KCNT2: variants seen among roughly 807,000 people sequenced by gnomAD.
The protein encoded by KCNT2 is potassium sodium-activated channel subfamily T member 2.
A neutral mutation model predicts 153.8 loss-of-function variants in KCNT2; 67 were observed. The ratio of observed to expected loss-of-function variants is 0.44; its 90% CI spans 0.36 to 0.53. The LOEUF is 0.53. KCNT2 is among the 20% of genes least tolerant of loss of function. The probability of loss-of-function intolerance (pLI) is 0.00; values close to 1 mark genes in which losing one functional copy is unlikely to be tolerated. For synonymous variants in KCNT2, 500 were observed against 458.8 expected, an observed-to-expected ratio of 1.09 and a Z score of -1.15; for missense variants, 975 against 1,354.8, an observed-to-expected ratio of 0.72 and a Z score of 4.40.
Position 196,385,401 on chromosome 1 carries a change from T to C in KCNT2, c.1295-12153A>G, listed in dbSNP as rs913783855. ...CATAGAAAAAGGTACAGTGAAAAGA[T>C]GGTATTACACTCTACGGAACCACCA... On this transcript the variant is annotated intron_variant, in intron 13 of 27. Transcript: ENST00000294725. Among the ~76,000 whole-genome samples, 9 of 152,240 alleles carry C rather than the reference T, an allele frequency of 5.9e-5. No individual in the cohort carries two copies. In the East Asian group the frequency reaches 1.7e-3, roughly 29 times the overall value.
chr1:196,428,046 C>T, intron 10 of KCNT2, 59 bp downstream of exon 10: 1 of 1,348,510 alleles, frequency 7.4e-7, no homozygotes, highest in Non-Finnish European at 1.0e-6. Flanking sequence ...AGTTAATTGA[C>T]TTTGACAATA....
chr1:196,550,404 T>A (rs1657738762), intron 1 of KCNT2, among the ~76,000 whole-genome samples: 1 of 151,914 alleles, frequency 6.6e-6, no homozygotes, highest in Non-Finnish European at 1.5e-5. Context: ...ATTTCTTATT[T>A]TAACCAAGGC....
At chr1:196,369,065 T>C (rs1270057022) in intron 14 of KCNT2, among the ~76,000 whole-genome samples, 1 of 152,190 alleles carries the variant, frequency 6.6e-6, no homozygotes, top group African/African-American at 2.4e-5. Context: ...ATTCTCTCTT[T>C]TTCTTACCCC....
At chr1:196,562,790 T>C (rs993816694) in intron 1 of KCNT2, among the ~76,000 whole-genome samples, 1 of 151,866 alleles carries the variant, frequency 6.6e-6, no homozygotes, top group South Asian at 2.1e-4. Flanking sequence ...ATGTCCGCTA[T>C]TGACAAAAGT....
Position 196,342,478 on chromosome 1 carries a change from A to C in KCNT2, c.1404-250T>G, listed in dbSNP as rs1211711409. Among the ~76,000 whole-genome samples the C allele has an allele frequency of 4.8e-5, 7 of 147,184 alleles. No homozygotes were observed. The Admixed American group carries it at 4.8e-4, about 10-fold the overall frequency. On this transcript the variant is annotated intron_variant, in intron 14 of 27. Transcript: ENST00000294725. ...TATATATATATGCTTGAGAAATGAC[A>C]GTTTTGTAGAAAGTGGGAGTTTTCC... is the stretch of plus-strand genomic sequence containing the variant.
Position 196,228,138 on chromosome 1 carries a change from T to G in KCNT2, c.*86A>C. The G allele has an allele frequency of 1.4e-6, 1 of 698,610 alleles. No homozygotes were observed. The highest frequency in any genetic ancestry group is 2.5e-6 in the Non-Finnish European group (1 of 392,794). 43.3% of individuals were successfully genotyped at this position (698,610 alleles called of 1,614,324 possible). A position where few individuals can be genotyped will look rare whatever the true frequency, so the allele number is the denominator to read the frequency against. Reference sequence around the variant, plus strand: ...TTAAATATGAGAGAATTACATATATTTCCATCTAGTTTCTTTCGTGCCAGC... The same window carrying G: ...TTAAATATGAGAGAATTACATATATGTCCATCTAGTTTCTTTCGTGCCAGC... On this transcript the variant is annotated 3_prime_UTR_variant, in exon 28 of 28. Transcript: ENST00000294725.
chr1:196,249,879 A>G (rs1013986479), intron 26 of KCNT2, among the ~76,000 whole-genome samples: 5 of 152,166 alleles, frequency 3.3e-5, no homozygotes, highest in African/African-American at 9.7e-5. Flanking sequence ...TTAAATACCT[A>G]GGAACTAACT....
chr1:196,302,081 C>T (rs1382504913), intron 22 of KCNT2, among the ~76,000 whole-genome samples: 1 of 152,104 alleles, frequency 6.6e-6, no homozygotes, highest in African/African-American at 2.4e-5. Context: ...GTGAAGGTCT[C>T]ACCTGTGAAG....
intron 3 of KCNT2, among the ~76,000 whole-genome samples, chr1:196,489,063 T>C (rs1679657851): frequency 6.6e-6 from 1 of 151,744 alleles, no homozygotes; most frequent in Non-Finnish European, 1.5e-5. Context: ...AAAGTGTGGG[T>C]TGTGAGGAGC....
At chr1:196,331,315 T>C (rs1664436960) in intron 17 of KCNT2, 54 bp from the exon 18 acceptor site, 2 of 880,450 alleles carry the variant, frequency 2.3e-6, no homozygotes, top group Non-Finnish European at 3.9e-6. Flanking sequence ...ATTTGAGAAA[T>C]TAAGTTACGA....
chr1:196,228,978 T>A (rs1653717969), intron 27 of KCNT2, among the ~76,000 whole-genome samples: 1 of 152,236 alleles, frequency 6.6e-6, no homozygotes, highest in African/African-American at 2.4e-5. Context: ...TACTAAAGTA[T>A]AGAGAATAAT....
intron 12 of KCNT2, among the ~76,000 whole-genome samples, chr1:196,403,942 T>A (rs1420485641): frequency 4.6e-5 from 7 of 151,612 alleles, no homozygotes; most frequent in African/African-American, 1.7e-4. Flanking sequence ...ATCTTAACCC[T>A]TGGCAACAGT....
intron 22 of KCNT2, among the ~76,000 whole-genome samples, chr1:196,293,678 A>C (rs1165723630): frequency 6.6e-6 from 1 of 152,144 alleles, no homozygotes; most frequent in Admixed American, 6.5e-5. Flanking sequence ...ATATGCAAAA[A>C]TCAACTCAAA....
rs1253382309 is a variant in KCNT2 at position 196,536,588 on chromosome 1, T to C, written c.96-44247A>G. 6.6e-5 allele frequency among the ~76,000 whole-genome samples: 10 copies of C among 152,208 alleles called. No individual in the cohort carries two copies. In the East Asian group the frequency reaches 1.9e-3, roughly 29 times the overall value. On this transcript the variant is annotated intron_variant, in intron 1 of 27. Transcript: ENST00000294725. Reference sequence around the variant, plus strand: ...TAGGACTACAGGTTCCAAGATCTCTTGCAACTCTGCTGCTAAGGGGCTTAT... The same window carrying C: ...TAGGACTACAGGTTCCAAGATCTCTCGCAACTCTGCTGCTAAGGGGCTTAT...
rs536124846 is a variant in KCNT2 at position 196,392,257 on chromosome 1, G to A, written c.1294+6306C>T. On this transcript the variant is annotated intron_variant, in intron 13 of 27. Transcript: ENST00000294725. ...TTTTTTGAAAGTAAAAAATAGTGAG[G>A]AATGGCATAAAAAATTAAAGATTCT... is the stretch of plus-strand genomic sequence containing the variant. Among the ~76,000 whole-genome samples the A allele has an allele frequency of 1.3e-3, 192 of 151,074 alleles. 1 individual carries two copies. Among genetic ancestry groups the A allele is most frequent in the African/African-American group, 4.5e-3 (185 of 41,360 alleles).
intron 1 of KCNT2, among the ~76,000 whole-genome samples, chr1:196,526,374 A>G (rs1572726683): frequency 6.6e-6 from 1 of 151,272 alleles, no homozygotes; most frequent in East Asian, 1.9e-4. Flanking sequence ...ACATTATTGT[A>G]TACATAAATT....
chr1:196,526,748 G>T (rs1420445784), intron 1 of KCNT2, among the ~76,000 whole-genome samples: 1 of 152,090 alleles, frequency 6.6e-6, no homozygotes, highest in African/African-American at 2.4e-5. Context: ...ACTGCGCCCG[G>T]CCACTATGTA....
At chr1:196,487,081 G>A (rs551091848) in intron 3 of KCNT2, among the ~76,000 whole-genome samples, 1 of 152,038 alleles carries the variant, frequency 6.6e-6, no homozygotes, top group Non-Finnish European at 1.5e-5. Context: ...AACGTTAGCT[G>A]TCACAGAGTT....
intron 1 of KCNT2, among the ~76,000 whole-genome samples, chr1:196,593,311 T>TAG (rs1256165838): frequency 7.1e-6 from 1 of 140,204 alleles, no homozygotes; most frequent in Admixed American, 7.1e-5. Flanking sequence ...TATATATATA[T>TAG]ACACACACAC....
Sources: allele counts gnomAD v4.1 joint callset (sites outside exome capture counted in the v4.1 genomes callset), GRCh38; gene constraint gnomAD v4.1.1; transcripts MANE v1.5; gene names NCBI Gene and HGNC (gene_info 2026-07-23, HGNC 2026-07-21).